The following LIN28B variants were observed in gnomAD, a reference collection of about 807,000 sequenced individuals.
LIN28B encodes protein lin-28 homolog B.
Under a neutral mutation model 21.9 loss-of-function variants are expected in LIN28B, and 5 were observed. The observed-to-expected ratio is 0.23, with a 90% CI of 0.12 to 0.48. The LOEUF is 0.48. Among genes scored for constraint, LIN28B ranks in the 20% least tolerant of loss-of-function variants. LIN28B has a pLI of 0.98. For synonymous variants in LIN28B, 109 were observed against 111.3 expected (o/e 0.98, Z 0.13); for missense variants, 245 against 310.5 (o/e 0.79, Z 1.58).
intron 3 of LIN28B, among the ~76,000 whole-genome samples, chr6:105,027,309 A>G (rs1212109031): frequency 6.6e-6 from 1 of 152,118 alleles, no homozygotes; most frequent in African/African-American, 2.4e-5. Flanking sequence ...AGCTCATTGA[A>G]TGTTGTCTTT....
chr6:105,024,624 G>C (rs1049884663), intron 2 of LIN28B, among the ~76,000 whole-genome samples: 1 of 152,148 alleles, frequency 6.6e-6, no homozygotes, highest in African/African-American at 2.4e-5. Context: ...CAGAAAAGGT[G>C]CTGCCAAATT....
chr6:104,968,251 C>G (rs1249104836), intron 2 of LIN28B, among the ~76,000 whole-genome samples: 1 of 152,138 alleles, frequency 6.6e-6, no homozygotes, highest in Non-Finnish European at 1.5e-5. Context: ...GTGTTGTATT[C>G]ACTTCCTTTT....
chr6:104,944,078 G>C (rs569603744), intron 2 of LIN28B, among the ~76,000 whole-genome samples: 1 of 152,124 alleles, frequency 6.6e-6, no homozygotes, highest in South Asian at 2.1e-4. Flanking sequence ...ATTGTGTAGG[G>C]ATTCAAGTAG....
At chr6:104,989,576 G>GTTTTTTTTTTTTTTTTTTTTTTTTTTTCT (rs34394074) in intron 2 of LIN28B, among the ~76,000 whole-genome samples, 2 of 60,572 alleles carry the variant, frequency 3.3e-5, no homozygotes, top group African/African-American at 6.0e-5. Flanking sequence ...TTTTACTTGG[G>GTTTTTTTTTTTTTTTTTTTTTTTTTTTCT]TTTTTTTTTT....
At chr6:104,957,763 T>C (rs1050773732) in intron 1 of LIN28B, among the ~76,000 whole-genome samples, 2 of 152,158 alleles carry the variant, frequency 1.3e-5, no homozygotes, top group Non-Finnish European at 2.9e-5. Context: ...GTCAATGGGA[T>C]CAGTATTAAA....
At chr6:105,059,122 C>G (rs1452324042) in intron 3 of LIN28B, among the ~76,000 whole-genome samples, 1 of 152,118 alleles carries the variant, frequency 6.6e-6, no homozygotes, top group African/African-American at 2.4e-5. Context: ...CTTGCTAAAT[C>G]CAGCAGTCTA....
chr6:105,029,578 AGAAGAGTAGGTTTG>A (rs1425409639), intron 3 of LIN28B, among the ~76,000 whole-genome samples: 2 of 152,040 alleles, frequency 1.3e-5, no homozygotes, highest in African/African-American at 4.8e-5. Flanking sequence ...GAGTGATGGT[AGAAGAGTAGGTTTG>A]GAAATTTAAC....
At chr6:104,981,184 C>T (rs1026004556) in intron 2 of LIN28B, among the ~76,000 whole-genome samples, 3 of 152,184 alleles carry the variant, frequency 2.0e-5, no homozygotes, top group Admixed American at 1.3e-4. Context: ...TCATTCTACT[C>T]ATATTTGCTT....
At chr6:105,023,624 ATATT>A (rs1771219079) in intron 2 of LIN28B, among the ~76,000 whole-genome samples, 1 of 65,732 alleles carries the variant, frequency 1.5e-5, no homozygotes, top group African/African-American at 6.0e-5. Context: ...TATATATTAT[ATATT>A]TTATATATAT....
intron 2 of LIN28B, among the ~76,000 whole-genome samples, chr6:104,962,788 T>C (rs1000772548): frequency 6.6e-6 from 1 of 152,202 alleles, no homozygotes; most frequent in Non-Finnish European, 1.5e-5. Context: ...AAATCATTTT[T>C]CACATGAAGA....
intron 2 of LIN28B, among the ~76,000 whole-genome samples, chr6:104,972,302 A>C (rs183708513): frequency 1.2e-3 from 182 of 152,278 alleles, no homozygotes; most frequent in African/African-American, 4.2e-3. Flanking sequence ...AAAGATAAAC[A>C]AAAGCCTGTT....
At position 105,079,490 on chromosome 6, in the gene LIN28B, A is replaced by G. The variant is rs1460922833; in HGVS notation, c.*707A>G. 6.6e-6 allele frequency: 1 copy of G among 152,648 alleles called. No homozygotes were observed. Among genetic ancestry groups the G allele is most frequent in the Non-Finnish European group, 1.5e-5 (1 of 68,040 alleles). 9.5% of individuals were successfully genotyped at this position (152,648 alleles called of 1,614,324 possible). On this transcript the variant is annotated 3_prime_UTR_variant, in exon 4 of 4. Coordinates refer to ENST00000345080, the MANE Select transcript of LIN28B (RefSeq NM_001004317.4). ...GATTCTGGGATAACATAACTCCAGA[A>G]AAGACAATGAATGTGTAATTTGGGC... is the stretch of plus-strand genomic sequence containing the variant.
intron 3 of LIN28B, among the ~76,000 whole-genome samples, chr6:105,063,653 A>AAAG (rs1228013466): frequency 7.3e-5 from 11 of 149,902 alleles, no homozygotes; most frequent in Non-Finnish European, 1.6e-4. Context: ...GGGGGGAAAA[A>AAAG]AAGGTAAAGT....
chr6:105,059,986 C>T (rs1383849448), intron 3 of LIN28B, among the ~76,000 whole-genome samples: 1 of 151,886 alleles, frequency 6.6e-6, no homozygotes, highest in African/African-American at 2.4e-5. Context: ...TCACCACAAC[C>T]TCCGCCTCCC....
intron 2 of LIN28B, among the ~76,000 whole-genome samples, chr6:104,965,366 A>C (rs1769833508): frequency 6.6e-6 from 1 of 152,128 alleles, no homozygotes; most frequent in African/African-American, 2.4e-5. Context: ...TCCCTACCAA[A>C]AAAATTAGCT....
Position 104,947,180 on chromosome 6 carries a change from A to C in LIN28B, c.19-3281A>C, listed in dbSNP as rs539868794. The stretch of plus-strand genomic sequence containing the variant: ...CACTGTGTCACCCAGGCTGGAGTGG[A>C]GTGGCGGGATCTTGGCTCACTGCAA... On this transcript the variant is annotated intron_variant, in intron 2 of 5. Coordinates refer to the LIN28B transcript ENST00000635857. 2.0e-5 allele frequency among the ~76,000 whole-genome samples: 3 copies of C among 152,256 alleles called. No individual in the cohort carries two copies. In the East Asian group the frequency reaches 5.8e-4, roughly 29 times the overall value.
rs1440621083 is a variant in LIN28B, at chr6:104,962,156, G to T, written c.198+3870G>T. ...GTGCTTAATAATACTTCACATATTGGGTGTATATATACTTGGCATTCCTTG... is the reference window on the plus strand; with the variant it reads ...GTGCTTAATAATACTTCACATATTGTGTGTATATATACTTGGCATTCCTTG... On this transcript the variant is annotated intron_variant, in intron 2 of 3. Transcript: ENST00000345080. Among the ~76,000 whole-genome samples the T allele has an allele frequency of 2.0e-5, 3 of 151,734 alleles. No individual in the cohort carries two copies. The East Asian group carries it at 5.8e-4, about 29-fold the overall frequency.
At chr6:104,949,874 CATT>C (rs1289675986) in intron 2 of LIN28B, among the ~76,000 whole-genome samples, 4 of 152,092 alleles carry the variant, frequency 2.6e-5, no homozygotes, top group African/African-American at 4.8e-5. Flanking sequence ...TTTTAAAAAA[CATT>C]AACCCATTTA....
intron 2 of LIN28B, among the ~76,000 whole-genome samples, chr6:105,012,863 T>C (rs866910381): frequency 2.0e-5 from 3 of 152,300 alleles, no homozygotes; most frequent in Admixed American, 6.5e-5. Context: ...ATAGGGCAGG[T>C]ATATGTTTAA....
Sources: allele counts gnomAD v4.1 joint callset (sites outside exome capture counted in the v4.1 genomes callset), GRCh38; gene constraint gnomAD v4.1.1; transcripts MANE v1.5; gene names NCBI Gene and HGNC (gene_info 2026-07-23, HGNC 2026-07-21).